C8orf34: variants seen among roughly 807,000 people sequenced by gnomAD.
C8orf34 encodes uncharacterized protein C8orf34.
Under a neutral mutation model 68.3 loss-of-function variants are expected in C8orf34, and 65 were observed. The ratio of observed to expected loss-of-function variants is 0.95; its 90% CI spans 0.78 to 1.17. The LOEUF (loss-of-function observed/expected upper bound fraction) is 1.17. Among genes scored for constraint, C8orf34 ranks in the 50% most tolerant of loss-of-function variants. C8orf34 has a pLI of 0.00. For synonymous variants in C8orf34, 244 were observed against 241.2 expected (o/e 1.01, Z -0.11); for missense variants, 664 against 655.4 (o/e 1.01, Z -0.14).
At chr8:68,775,087 G>T (rs979963831) in intron 10 of C8orf34, among the ~76,000 whole-genome samples, 7 of 138,124 alleles carry the variant, frequency 5.1e-5, no homozygotes, top group African/African-American at 1.9e-4. Flanking sequence ...AAAAAAAAAA[G>T]AAGAGTATCA....
At chr8:68,507,003 T>A (rs1370641550) in intron 5 of C8orf34, among the ~76,000 whole-genome samples, 3 of 152,210 alleles carry the variant, frequency 2.0e-5, no homozygotes, top group African/African-American at 7.2e-5. Flanking sequence ...CTTATTTCTG[T>A]TATTCTACTG....
chr8:68,374,481 G>A (rs1807704946), intron 1 of C8orf34, among the ~76,000 whole-genome samples: 2 of 152,154 alleles, frequency 1.3e-5, no homozygotes, highest in East Asian at 1.9e-4. Context: ...ACCAGACACA[G>A]ATATTGTTTG....
intron 8 of C8orf34, among the ~76,000 whole-genome samples, chr8:68,691,208 G>GTTTGCA (rs1257646417): frequency 6.6e-6 from 1 of 152,010 alleles, no homozygotes; most frequent in Non-Finnish European, 1.5e-5. Context: ...TTTGCAAATT[G>GTTTGCA]AAGGTTTGTG....
chr8:68,738,309 A>T (rs1167939888), intron 10 of C8orf34, among the ~76,000 whole-genome samples: 1 of 152,108 alleles, frequency 6.6e-6, no homozygotes, highest in African/African-American at 2.4e-5. Flanking sequence ...CAGTGTTAAG[A>T]GGGAAATCAT....
intron 1 of C8orf34, among the ~76,000 whole-genome samples, chr8:68,399,210 A>G (rs1808846342): frequency 6.6e-6 from 1 of 152,092 alleles, no homozygotes; most frequent in South Asian, 2.1e-4. Context: ...TAATTTTGTT[A>G]CATGGATAGT....
rs569634564 is a variant in C8orf34, at chr8:68,727,166, C to G, written c.1404+5729C>G. On this transcript the variant is annotated intron_variant, in intron 10 of 13. Transcript: ENST00000518698. ...TGGGGGTACAGGTATTGGGTAAATA[C>G]AGCTATTCCAAATGAGAGAAATTGG... Among the ~76,000 whole-genome samples, 16 of 152,242 alleles carry G rather than the reference C, an allele frequency of 1.1e-4. No homozygotes were observed. The South Asian group carries it at 2.3e-3, about 22-fold the overall frequency.
intron 6 of C8orf34, among the ~76,000 whole-genome samples, chr8:68,529,734 A>T (rs956077950): frequency 6.6e-6 from 1 of 152,196 alleles, no homozygotes; most frequent in Non-Finnish European, 1.5e-5. Flanking sequence ...CTTTTTCTGT[A>T]AGTAGGCATG....
chr8:68,701,383 C>A (rs1464198567), intron 8 of C8orf34, among the ~76,000 whole-genome samples: 1 of 152,056 alleles, frequency 6.6e-6, no homozygotes, highest in Admixed American at 6.6e-5. Context: ...ATAAATGTTC[C>A]TTGAAATGCA....
intron 10 of C8orf34, among the ~76,000 whole-genome samples, chr8:68,730,080 A>C (rs975430253): frequency 1.3e-5 from 2 of 152,184 alleles, no homozygotes; most frequent in African/African-American, 4.8e-5. Context: ...CTATAATGGA[A>C]AACTAGGCAC....
At chr8:68,633,873 T>G (rs1389080966) in intron 7 of C8orf34, among the ~76,000 whole-genome samples, 2 of 18,514 alleles carry the variant, frequency 1.1e-4, no homozygotes, top group South Asian at 7.6e-4. Context: ...CTTGTAGGAG[T>G]TTTTTTTTTT....
Position 68,785,464 on chromosome 8 carries a change from A to G in C8orf34, c.1456-1979A>G, listed in dbSNP as rs138013769. ...ATATATAGTGGTTTCAGAATTGTTAACCCGTACTCCTATGGAAAGCAAGTT... is the reference window on the plus strand; with the variant it reads ...ATATATAGTGGTTTCAGAATTGTTAGCCCGTACTCCTATGGAAAGCAAGTT... On this transcript the variant is annotated intron_variant, in intron 11 of 13. Transcript: ENST00000518698. Among the ~76,000 whole-genome samples, 491 of 152,256 alleles carry G rather than the reference A, an allele frequency of 3.2e-3. 2 individuals carry two copies. The highest frequency in any genetic ancestry group is 5.4e-3 in the Admixed American group (82 of 15,298).
intron 6 of C8orf34, 105 bp downstream of exon 6, chr8:68,522,076 T>G (rs950058104): frequency 5.0e-6 from 5 of 996,266 alleles, no homozygotes; most frequent in Non-Finnish European, 7.3e-6. Flanking sequence ...TAGTAATTTT[T>G]TATAGAAAAT....
At chr8:68,790,515 G>C (rs1022873946) in intron 12 of C8orf34, among the ~76,000 whole-genome samples, 6 of 152,084 alleles carry the variant, frequency 3.9e-5, no homozygotes, top group African/African-American at 1.4e-4. Context: ...TTAAAAATAA[G>C]ACTTAGCTCA....
intron 3 of C8orf34, among the ~76,000 whole-genome samples, chr8:68,465,720 A>C (rs921274107): frequency 6.7e-6 from 1 of 148,738 alleles, no homozygotes; most frequent in African/African-American, 2.5e-5. Flanking sequence ...CAAACACCGC[A>C]TGTTCTCACT....
intron 12 of C8orf34, among the ~76,000 whole-genome samples, chr8:68,795,171 T>C (rs1441901922): frequency 6.6e-6 from 1 of 152,166 alleles, no homozygotes; most frequent in African/African-American, 2.4e-5. Flanking sequence ...TCTTTACTGC[T>C]GGTCTCCATT....
intron 10 of C8orf34, among the ~76,000 whole-genome samples, chr8:68,769,059 GA>G (rs1823265824): frequency 6.6e-6 from 1 of 151,928 alleles, no homozygotes; most frequent in African/African-American, 2.4e-5. Flanking sequence ...CAATTTGCTA[GA>G]ATATATCATG....
At chr8:68,500,846 TA>T (rs1813737832) in intron 5 of C8orf34, among the ~76,000 whole-genome samples, 1 of 152,150 alleles carries the variant, frequency 6.6e-6, no homozygotes, top group Admixed American at 6.5e-5. Flanking sequence ...TGAATTATAT[TA>T]AAAAATTTTT....
intron 9 of C8orf34, among the ~76,000 whole-genome samples, chr8:68,711,285 C>T (rs1208330148): frequency 2.6e-5 from 4 of 152,156 alleles, no homozygotes; most frequent in Non-Finnish European, 5.9e-5. Flanking sequence ...AAAGATCATA[C>T]GAGCTCACAA....
intron 8 of C8orf34, among the ~76,000 whole-genome samples, chr8:68,679,682 C>T (rs1820304992): frequency 6.6e-6 from 1 of 152,100 alleles, no homozygotes; most frequent in Non-Finnish European, 1.5e-5. Flanking sequence ...CCAAATTATA[C>T]TACAGGGCTA....
Sources: allele counts gnomAD v4.1 joint callset (sites outside exome capture counted in the v4.1 genomes callset), GRCh38; gene constraint gnomAD v4.1.1; transcripts MANE v1.5; gene names NCBI Gene and HGNC (gene_info 2026-07-23, HGNC 2026-07-21).